Variants in CEACAM21 observed in about 807,000 individuals in gnomAD.
CEACAM21 encodes CEA cell adhesion molecule 21, also known as cell adhesion molecule CEACAM21.
Under a neutral mutation model 33.2 loss-of-function variants are expected in CEACAM21, and 38 were observed. The ratio of observed to expected loss-of-function variants is 1.14; its 90% CI spans 0.88 to 1.50. The LOEUF (loss-of-function observed/expected upper bound fraction) is 1.50. Ranked by LOEUF, CEACAM21 falls within the 40% of genes most tolerant of loss-of-function variation. The pLI is 0.00. For synonymous variants in CEACAM21, 156 were observed against 143.0 expected (o/e 1.09, Z -0.65); for missense variants, 385 against 364.6 (o/e 1.06, Z -0.46).
At chr19:41,571,799 A>G (rs1266859074), upstream of CEACAM21, among the ~76,000 whole-genome samples, 2 of 152,210 alleles carry the variant, frequency 1.3e-5, no homozygotes, top group Non-Finnish European at 2.9e-5. Flanking sequence ...CTGAACCTCA[A>G]GAACACTGGA....
chr19:41,579,584 C>CA lies in CEACAM21; in HGVS notation c.657dup (p.Val220SerfsTer17), dbSNP rs1555792798. 1.3e-6 allele frequency: 2 copies of CA among 1,588,850 alleles called. No individual in the cohort carries two copies. Among genetic ancestry groups the CA allele is most frequent in the Admixed American group, 1.8e-5 (1 of 55,454 alleles). On this transcript the variant is annotated frameshift_variant, in exon 3 of 7. Transcript: ENST00000401445. LOFTEE classifies it high-confidence loss of function. ...GAGTATCAGTGTGAGGTCTCCAACC[C>CA]AGTCAGCTCCAACAGGAGCGACCCC... is the stretch of plus-strand genomic sequence containing the variant.
chr19:41,577,591 G>A, intron 2 of CEACAM21, 32 bp downstream of exon 2: 1 of 1,609,654 alleles, frequency 6.2e-7, no homozygotes, highest in Non-Finnish European at 8.5e-7. Flanking sequence ...CTGGGTGTTG[G>A]GGGTCAGTTC....
chr19:41,570,845 G>C (rs187200459), intron 2 of CEACAM21, among the ~76,000 whole-genome samples: 1 of 152,312 alleles, frequency 6.6e-6, no homozygotes, highest in Admixed American at 6.5e-5. Context: ...AGGAGACCAG[G>C]AGAGCGGAGA....
Position 41,579,379 on chromosome 19 carries a change from G to T in CEACAM21, c.451G>T (p.Ala151Ser). The change falls in exon 3 of 7, where the codon GCC becomes TCC. Residue 151 changes from alanine (A) to serine (S), a missense_variant. By Grantham distance (99) the Ala-to-Ser change is moderately conservative (BLOSUM62 1). Transcript: ENST00000401445. ...YESVAQPSIQ[A>S]SSTTVTEKGS... The stretch of plus-strand genomic sequence containing the variant: ...GTCAGTGGCTCAGCCCTCCATCCAA[G>T]CCAGCAGCACCACAGTCACAGAGAA... The T allele has an allele frequency of 6.2e-7, 1 of 1,613,938 alleles. No homozygotes were observed. Among genetic ancestry groups the T allele is most frequent in the Non-Finnish European group, 8.5e-7 (1 of 1,179,872 alleles).
Position 41,579,561 on chromosome 19 carries a change from G to A in CEACAM21, c.633G>A (p.Glu211=), listed in dbSNP as rs1327191180. The A allele has an allele frequency of 6.2e-7, 1 of 1,603,602 alleles. No individual in the cohort carries two copies. The highest frequency in any genetic ancestry group is 8.5e-7 in the Non-Finnish European group (1 of 1,174,888). Residue 211 remains glutamate, a synonymous_variant, in exon 3 of 7, where the codon GAG becomes GAA. Coordinates refer to ENST00000401445, the MANE Select transcript of CEACAM21 (RefSeq NM_001098506.4). The part of the protein sequence containing the change: ...IDPIRQEDAG[E]YQCEVSNPVS... ...CCATCAGGCAGGAGGACGCTGGGGAGTATCAGTGTGAGGTCTCCAACCCAG... is the reference window on the plus strand; with the variant it reads ...CCATCAGGCAGGAGGACGCTGGGGAATATCAGTGTGAGGTCTCCAACCCAG...
chr19:41,550,063 T>C (rs545788718), intron 1 of CEACAM21: 7 of 152,278 alleles, frequency 4.6e-5, no homozygotes, highest in African/African-American at 7.2e-5. Context: ...AATGATTAAC[T>C]TGATAATTAA....
rs150547585 is a variant in CEACAM21 at position 41,585,449 on chromosome 19, C to T, written c.804C>T (p.Ser268=). 127 of 1,613,812 alleles carry T rather than the reference C, an allele frequency of 7.9e-5. No homozygotes were observed. Among genetic ancestry groups the T allele is most frequent in the East Asian group, 2.5e-4 (11 of 44,884 alleles). Residue 268 remains serine, a synonymous_variant, in exon 5 of 7, where the codon AGC becomes AGT. Transcript: ENST00000401445. ...FLLLRKTGRA[S]DQSDFREQQP... Reference sequence around the variant, plus strand: ...TAACCCTGACCTTTCCTAGGGCCAGCGATCAGAGTGACTTCAGGGAGCAGC... The same window carrying T: ...TAACCCTGACCTTTCCTAGGGCCAGTGATCAGAGTGACTTCAGGGAGCAGC...
chr19:41,585,816 G>A, intron 5 of CEACAM21, 24 bp from the exon 6 acceptor site: 1 of 1,610,424 alleles, frequency 6.2e-7, no homozygotes, highest in South Asian at 1.1e-5. Context: ...ACACTCTCGT[G>A]CTCACTTTTG....
upstream of CEACAM21, among the ~76,000 whole-genome samples, chr19:41,572,830 G>A (rs1202472296): frequency 1.3e-5 from 2 of 152,300 alleles, no homozygotes; most frequent in South Asian, 2.1e-4. Context: ...GCTTTCTCAC[G>A]AGGTGGTTCT....
chr19:41,586,171 C>T, intron 6 of CEACAM21: 1 of 588,338 alleles, frequency 1.7e-6, no homozygotes, highest in East Asian at 2.9e-5. Context: ...TACCCAGCAC[C>T]AGGGCAGCTG....
Position 41,577,276 on chromosome 19 carries a change from A to G in CEACAM21, c.141A>G (p.Glu47=), listed in dbSNP as rs781876015. Residue 47 remains glutamate, a synonymous_variant, in exon 2 of 7, where the codon GAA becomes GAG. Coordinates refer to ENST00000401445, the MANE Select transcript of CEACAM21 (RefSeq NM_001098506.4). ...FIASAPFEVA[E]GENVHLSVVY... ...CATCAGCGCCCTTTGAAGTTGCTGAAGGGGAGAATGTTCATCTCTCTGTGG... is the reference window on the plus strand; with the variant it reads ...CATCAGCGCCCTTTGAAGTTGCTGAGGGGGAGAATGTTCATCTCTCTGTGG... The G allele has an allele frequency of 3.7e-6, 6 of 1,614,018 alleles. No individual in the cohort carries two copies. The African/African-American group carries it at 8.0e-5, about 22-fold the overall frequency.
Position 41,563,250 on chromosome 19 carries a change from C to T in CEACAM21, c.-778-1432C>T, listed in dbSNP as rs554314934. 9.9e-5 allele frequency among the ~76,000 whole-genome samples: 15 copies of T among 152,278 alleles called. No homozygotes were observed. In the East Asian group the frequency reaches 2.5e-3, roughly 26 times the overall value. On this transcript the variant is annotated intron_variant, in intron 1 of 7. Coordinates refer to the CEACAM21 transcript ENST00000407170. ...TGGGTGAAGATAGTCTTGTTGTTTTCACTGTTGCTCTCCAAGGGGCAGGAC... is the reference window on the plus strand; with the variant it reads ...TGGGTGAAGATAGTCTTGTTGTTTTTACTGTTGCTCTCCAAGGGGCAGGAC...
chr19:41,581,293 C>T (rs1377660125), intron 3 of CEACAM21, among the ~76,000 whole-genome samples: 1 of 152,234 alleles, frequency 6.6e-6, no homozygotes, highest in Admixed American at 6.5e-5. Context: ...ACTAGCCCAA[C>T]CTATTCCTTT....
At chr19:41,570,592 C>T (rs1360737934) in intron 2 of CEACAM21, among the ~76,000 whole-genome samples, 1 of 152,166 alleles carries the variant, frequency 6.6e-6, no homozygotes, top group African/African-American at 2.4e-5. Context: ...CTCCCAACAT[C>T]CTGGATCCTG....
At position 41,576,296 on chromosome 19, in the gene CEACAM21, C is replaced by G; in HGVS notation, c.22C>G (p.Pro8Ala). The part of the protein sequence containing the change: MGPPSAC[P>A]HRECIPWQGL... The stretch of plus-strand genomic sequence containing the variant: ...GACCATGGGGCCCCCCTCAGCTTGT[C>G]CCCACAGAGAATGCATCCCCTGGCA... Residue 8 changes from proline (P) to alanine (A), a missense_variant, in exon 1 of 7, where the codon CCC becomes GCC. Coordinates refer to ENST00000401445, the MANE Select transcript of CEACAM21 (RefSeq NM_001098506.4). 3.7e-6 allele frequency: 6 copies of G among 1,613,300 alleles called. No individual in the cohort carries two copies. Among genetic ancestry groups the G allele is most frequent in the Non-Finnish European group, 5.1e-6 (6 of 1,179,520 alleles).
chr19:41,571,951 CTT>C (rs112565158), upstream of CEACAM21, among the ~76,000 whole-genome samples: 10 of 144,064 alleles, frequency 6.9e-5, no homozygotes, highest in Admixed American at 1.4e-4. Context: ...CATTTTGACA[CTT>C]TTTTTTTTTT....
chr19:41,557,891 A>C (rs1450605378), intron 1 of CEACAM21, among the ~76,000 whole-genome samples: 1 of 152,198 alleles, frequency 6.6e-6, no homozygotes, highest in Non-Finnish European at 1.5e-5. Flanking sequence ...CATGTTAGAG[A>C]TATGGAAATG....
chr19:41,559,679 T>C (rs1402995790), intron 1 of CEACAM21, among the ~76,000 whole-genome samples: 1 of 152,142 alleles, frequency 6.6e-6, no homozygotes, highest in Non-Finnish European at 1.5e-5. Flanking sequence ...CCAGTACTCA[T>C]AAATAGGAAT....
intron 2 of CEACAM21, among the ~76,000 whole-genome samples, chr19:41,568,498 T>G (rs1378642713): frequency 6.6e-6 from 1 of 152,230 alleles, no homozygotes; most frequent in African/African-American, 2.4e-5. Flanking sequence ...TTCATTCTTC[T>G]GCATATGAAT....
Sources: gnomAD v4.1 joint callset for allele counts (sites outside exome capture counted in the v4.1 genomes callset) on GRCh38, gnomAD v4.1.1 for gene constraint, MANE v1.5 for transcripts, NCBI Gene and HGNC (gene_info 2026-07-23, HGNC 2026-07-21) for gene names.